The following DSCAM variants were observed in gnomAD, a reference collection of about 807,000 sequenced individuals.
DSCAM encodes the protein cell adhesion molecule DSCAM.
A neutral mutation model predicts 217.7 loss-of-function variants in DSCAM; 47 were observed. The ratio of observed to expected loss-of-function variants is 0.22; its 90% CI spans 0.17 to 0.28. DSCAM has a LOEUF of 0.28. Ranked by LOEUF, DSCAM falls within the 10% of genes least tolerant of loss-of-function variation. The pLI is 1.00. For synonymous variants in DSCAM, 1,056 were observed against 1,015.3 expected, an observed-to-expected ratio of 1.04 and a Z score of -0.76; for missense variants, 2,080 against 2,618.3, an observed-to-expected ratio of 0.79 and a Z score of 4.49.
intron 1 of DSCAM, among the ~76,000 whole-genome samples, chr21:40,737,792 C>T (rs2091079949): frequency 6.6e-6 from 1 of 152,198 alleles, no homozygotes; most frequent in Non-Finnish European, 1.5e-5. Flanking sequence ...TGGCCACATC[C>T]AGCATCCAGC....
intron 1 of DSCAM, among the ~76,000 whole-genome samples, chr21:40,800,669 T>C (rs2091731753): frequency 6.6e-6 from 1 of 151,896 alleles, no homozygotes; most frequent in African/African-American, 2.4e-5. Flanking sequence ...AATGATGAAC[T>C]AGGATATCTG....
intron 3 of DSCAM, among the ~76,000 whole-genome samples, chr21:40,624,882 C>A (rs1324078531): frequency 6.6e-6 from 1 of 151,998 alleles, no homozygotes. Flanking sequence ...GAATGATAAT[C>A]TAAATAGCAT....
intron 1 of DSCAM, among the ~76,000 whole-genome samples, chr21:40,726,496 A>C (rs1232632889): frequency 2.0e-5 from 3 of 152,178 alleles, no homozygotes; most frequent in Non-Finnish European, 4.4e-5. Context: ...ATTTCAGTGT[A>C]AAAAGATAAC....
intron 11 of DSCAM, among the ~76,000 whole-genome samples, chr21:40,216,099 A>G (rs1048150731): frequency 3.9e-5 from 6 of 152,240 alleles, no homozygotes; most frequent in African/African-American, 1.4e-4. Flanking sequence ...AAAACAAATG[A>G]GCCCTTTTTG....
chr21:40,296,860 A>C (rs2073960563), intron 9 of DSCAM, among the ~76,000 whole-genome samples: 1 of 149,368 alleles, frequency 6.7e-6, no homozygotes, highest in East Asian at 2.0e-4. Flanking sequence ...AAAAAAGTAG[A>C]TCAAATATAT....
rs776246337 is a variant in DSCAM at position 40,338,399 on chromosome 21, T to C, written c.1508-23A>G. 6.6e-5 allele frequency: 106 copies of C among 1,599,462 alleles called. 1 individual carries two copies. The Middle Eastern group carries it at 1.0e-3, about 15-fold the overall frequency. ...GCCCTGGAGAGACACAAAGAAACTC[T>C]TGAAAATAATTTAAGGGTACATCTC... On this transcript the variant is annotated intron_variant, in intron 7 of 32. Coordinates refer to ENST00000400454, the MANE Select transcript of DSCAM (RefSeq NM_001389.5).
chr21:40,751,548 C>T (rs1219277224), intron 1 of DSCAM, among the ~76,000 whole-genome samples: 1 of 152,226 alleles, frequency 6.6e-6, no homozygotes, highest in African/African-American at 2.4e-5. Context: ...CCCAGAAGAA[C>T]TCTTCCTCTG....
Position 40,551,658 on chromosome 21 carries a change from G to A in DSCAM, c.508+141152C>T, listed in dbSNP as rs571340993. ...CAGAACCATTTCCAAAATATGGCAA[G>A]GAAAGATATTTTGGGGTAAAATATT... On this transcript the variant is annotated intron_variant, in intron 3 of 32. Coordinates refer to ENST00000400454, the MANE Select transcript of DSCAM (RefSeq NM_001389.5). Among the ~76,000 whole-genome samples the A allele has an allele frequency of 5.3e-5, 8 of 152,228 alleles. 1 individual carries two copies. In the South Asian group the frequency reaches 1.7e-3, roughly 32 times the overall value.
intron 3 of DSCAM, among the ~76,000 whole-genome samples, chr21:40,541,839 T>C (rs2076545148): frequency 6.6e-6 from 1 of 152,204 alleles, no homozygotes; most frequent in Non-Finnish European, 1.5e-5. Flanking sequence ...CTGAAAGTAG[T>C]AGAAGACAAG....
intron 4 of DSCAM, among the ~76,000 whole-genome samples, chr21:40,364,123 T>C (rs1336963512): frequency 4.6e-5 from 7 of 152,312 alleles, no homozygotes; most frequent in Non-Finnish European, 8.8e-5. Flanking sequence ...AGTGTGGCGA[T>C]TCCTCAGGGA....
chr21:40,487,073 C>T (rs1462688245), intron 3 of DSCAM, among the ~76,000 whole-genome samples: 1 of 152,152 alleles, frequency 6.6e-6, no homozygotes, highest in African/African-American at 2.4e-5. Context: ...CCATGAGGAA[C>T]TCCACATGTT....
At chr21:40,238,412 T>A (rs1057324505) in intron 11 of DSCAM, among the ~76,000 whole-genome samples, 1 of 152,122 alleles carries the variant, frequency 6.6e-6, no homozygotes, top group Admixed American at 6.5e-5. Context: ...AGGCTCTGTG[T>A]TTTAAAACCA....
intron 1 of DSCAM, among the ~76,000 whole-genome samples, chr21:40,797,981 CTT>C (rs1156994313): frequency 6.6e-6 from 1 of 151,650 alleles, no homozygotes; most frequent in Non-Finnish European, 1.5e-5. Flanking sequence ...ATGCACATTA[CTT>C]TTTTTAGGTA....
intron 5 of DSCAM, among the ~76,000 whole-genome samples, chr21:40,353,221 C>G (rs1601578815): frequency 6.6e-6 from 1 of 152,198 alleles, no homozygotes; most frequent in Non-Finnish European, 1.5e-5. Flanking sequence ...ATGGAAATCA[C>G]AGAGGTTTGG....
intron 3 of DSCAM, among the ~76,000 whole-genome samples, chr21:40,506,657 A>T (rs1292830272): frequency 6.6e-6 from 1 of 152,210 alleles, no homozygotes; most frequent in Non-Finnish European, 1.5e-5. Flanking sequence ...ATGTGTCAAG[A>T]TTATTTAAAG....
At chr21:40,057,155 G>T (rs892004685) in intron 28 of DSCAM, among the ~76,000 whole-genome samples, 9 of 152,200 alleles carry the variant, frequency 5.9e-5, no homozygotes, top group African/African-American at 2.2e-4. Context: ...CAGATTGCTT[G>T]CTCTGCAGAT....
At chr21:40,246,716 C>CTAT (rs1284842150) in intron 11 of DSCAM, among the ~76,000 whole-genome samples, 1 of 152,078 alleles carries the variant, frequency 6.6e-6, no homozygotes, top group Non-Finnish European at 1.5e-5. Flanking sequence ...CTGGAGAGGG[C>CTAT]CCAAGTTTAA....
Position 40,011,364 on chromosome 21 carries a change from G to A in DSCAM, c.*1670C>T, listed in dbSNP as rs1219077076. 1 of 152,248 alleles carries A rather than the reference G, an allele frequency of 6.6e-6. No individual in the cohort carries two copies. Among genetic ancestry groups the A allele is most frequent in the Non-Finnish European group, 1.5e-5 (1 of 68,070 alleles). The allele number at this position is 152,248 out of a possible 1,614,324, so 9.4% of individuals were successfully genotyped here. On this transcript the variant is annotated 3_prime_UTR_variant, in exon 33 of 33. Coordinates refer to ENST00000400454, the MANE Select transcript of DSCAM (RefSeq NM_001389.5). ...GAAGAAAGGATGGGAAAGAAGGAGG[G>A]AGGGAGGGAAGGAAAGACATTTCTG...
intron 3 of DSCAM, among the ~76,000 whole-genome samples, chr21:40,474,236 T>G (rs1395316524): frequency 6.6e-6 from 1 of 152,024 alleles, no homozygotes; most frequent in Non-Finnish European, 1.5e-5. Context: ...GAGGTTGTAG[T>G]GAGCAGAGAT....
Sources: allele counts gnomAD v4.1 joint callset (sites outside exome capture counted in the v4.1 genomes callset), GRCh38; gene constraint gnomAD v4.1.1; transcripts MANE v1.5; gene names NCBI Gene and HGNC (gene_info 2026-07-23, HGNC 2026-07-21).